Variants in OTUD7B observed in about 807,000 individuals in gnomAD.
The protein encoded by OTUD7B is OTU deubiquitinase 7B.
A neutral mutation model predicts 82.2 loss-of-function variants in OTUD7B; 34 were observed. That is an observed-to-expected ratio of 0.41 (90% CI 0.31 to 0.55). The LOEUF is 0.55. OTUD7B is among the 20% of genes least tolerant of loss of function. The pLI is 0.20. For missense variants in OTUD7B, 944 were observed against 1,062.1 expected (o/e 0.89, Z 1.55); for synonymous variants, 398 against 402.7 (o/e 0.99, Z 0.14).
chr1:150,057,476 G>A, the OTUD7B span, among the ~76,000 whole-genome samples: 1 of 152,166 alleles, frequency 6.6e-6, no homozygotes, highest in Non-Finnish European at 1.5e-5. Flanking sequence ...AAATTGGTAA[G>A]TTCTCCCATG....
the OTUD7B span, among the ~76,000 whole-genome samples, chr1:150,056,686 T>C: frequency 6.6e-6 from 1 of 152,128 alleles, no homozygotes; most frequent in South Asian, 2.1e-4. Flanking sequence ...CTATATTATA[T>C]TTTTCCTAAT....
In OTUD7B at chr1:149,959,776, T is replaced by A. The variant is rs782144287; in HGVS notation, c.753A>T (p.Glu251Asp). The A allele has an allele frequency of 1.7e-5, 27 of 1,613,526 alleles. No individual in the cohort carries two copies. In the Admixed American group the frequency reaches 4.5e-4, roughly 27 times the overall value. The change falls in exon 7 of 12, where the codon GAA (glutamate) becomes GAT (aspartate). Residue 251 changes from glutamate to aspartate, a missense_variant. By Grantham distance (45) the Glu-to-Asp change is conservative. Transcript: ENST00000581312. The part of the protein sequence containing the change: ...QNKESGLVYT[E>D]DEWQKEWNEL... ...CATTCCACTCCTTCTGCCATTCATC[T>A]TCTGTGTATACCAGCCCTGACTGTG...
At chr1:149,994,610 A>G (rs1553782947) in intron 1 of OTUD7B, among the ~76,000 whole-genome samples, 3 of 117,364 alleles carry the variant, frequency 2.6e-5, no homozygotes, top group Admixed American at 8.5e-5. Context: ...AAAAAAACCC[A>G]ATTTTTTGTT....
intron 5 of OTUD7B, among the ~76,000 whole-genome samples, chr1:149,965,361 G>A (rs1372672997): frequency 2.6e-5 from 4 of 152,104 alleles, no homozygotes; most frequent in Non-Finnish European, 5.9e-5. Flanking sequence ...GTGAGACTCC[G>A]TCTCAAAAAC....
intron 7 of OTUD7B, among the ~76,000 whole-genome samples, chr1:149,956,127 G>A (rs1418068746): frequency 1.3e-5 from 2 of 152,122 alleles, no homozygotes; most frequent in African/African-American, 4.8e-5. Context: ...TTTCTTCCTA[G>A]CATCGATGGT....
chr1:150,066,236 C>T, the OTUD7B span, among the ~76,000 whole-genome samples: 1 of 152,080 alleles, frequency 6.6e-6, no homozygotes, highest in Non-Finnish European at 1.5e-5. The surrounding 1 kb of genome is among the most constrained non-coding windows in gnomAD (Gnocchi z 4.6). Flanking sequence ...TTTTCATTAG[C>T]GTTGTTTCCA....
the OTUD7B span, among the ~76,000 whole-genome samples, chr1:150,059,048 C>CTTTTTTTTTTTTT: frequency 1.4e-5 from 2 of 140,996 alleles, no homozygotes; most frequent in African/African-American, 5.3e-5. Context: ...TTCTTACTTT[C>CTTTTTTTTTTTTT]TTTTCTTTTT....
rs782487665 is a variant in OTUD7B, at chr1:149,949,671, C to A, written c.1081G>T (p.Ala361Ser). 3.0e-5 allele frequency: 48 copies of A among 1,614,014 alleles called. No individual in the cohort carries two copies. In the Admixed American group the frequency reaches 8.0e-4, roughly 27 times the overall value. Residue 361 changes from alanine to serine, a missense_variant, in exon 9 of 12, where the codon GCA (alanine) becomes TCA (serine). Ala to Ser is a moderately conservative substitution (Grantham distance 99). Coordinates refer to ENST00000581312, the MANE Select transcript of OTUD7B (RefSeq NM_020205.4). ...VLAYDQAHFSALVSMEQKENT... is the reference protein window; with the variant it reads ...VLAYDQAHFSSLVSMEQKENT... ...TCCTTCTGCTCCATGGACACGAGTG[C>A]AGAAAAGTGGGCCTGATCATAGGCG...
chr1:150,061,978 A>T, the OTUD7B span, among the ~76,000 whole-genome samples: 1 of 152,138 alleles, frequency 6.6e-6, no homozygotes. Context: ...GCAGAGATCT[A>T]CCTGTCATGC....
At chr1:150,054,964 C>A in the OTUD7B span, 1 of 335,772 alleles carries the variant, frequency 3.0e-6, no homozygotes. Flanking sequence ...AGCTATTCCT[C>A]AGCTCCAGGG....
At chr1:150,043,693 A>G in the OTUD7B span, among the ~76,000 whole-genome samples, 8 of 152,140 alleles carry the variant, frequency 5.3e-5, no homozygotes, top group African/African-American at 1.9e-4. Flanking sequence ...AGATTCTCTA[A>G]TTTTAGGAAT....
chr1:149,948,006 T>G (rs1553772527), intron 10 of OTUD7B, among the ~76,000 whole-genome samples: 3 of 152,074 alleles, frequency 2.0e-5, no homozygotes, highest in African/African-American at 7.2e-5. Context: ...TTGGATGGAG[T>G]TTCACTCTTG....
chr1:150,020,566 C>A, the OTUD7B span, among the ~76,000 whole-genome samples: 1 of 151,894 alleles, frequency 6.6e-6, no homozygotes, highest in Non-Finnish European at 1.5e-5. Flanking sequence ...AATTAAATAT[C>A]TAGGTATATG....
chr1:150,052,814 A>C, the OTUD7B span, among the ~76,000 whole-genome samples: 4 of 2,444 alleles, frequency 1.6e-3, no homozygotes, highest in Non-Finnish European at 2.7e-3. Context: ...AACAAACGAA[A>C]ACAAAAAACA....
At chr1:150,021,973 T>C in the OTUD7B span, among the ~76,000 whole-genome samples, 1 of 152,098 alleles carries the variant, frequency 6.6e-6, no homozygotes, top group Non-Finnish European at 1.5e-5. Context: ...TGAAGAATAA[T>C]CTAAACTCTC....
upstream of OTUD7B, among the ~76,000 whole-genome samples, chr1:150,010,849 G>T (rs1053386421): frequency 6.6e-6 from 1 of 152,106 alleles, no homozygotes; most frequent in Non-Finnish European, 1.5e-5. Context: ...CTTTAGCGCC[G>T]CTCCCCAGGC....
the OTUD7B span, among the ~76,000 whole-genome samples, chr1:150,061,941 T>C: frequency 6.6e-6 from 1 of 152,320 alleles, no homozygotes; most frequent in African/African-American, 2.4e-5. Flanking sequence ...CCCTAAGATA[T>C]AAGCCCTGGG....
chr1:149,953,797 T>C (rs1353290862), intron 7 of OTUD7B, among the ~76,000 whole-genome samples: 3 of 152,338 alleles, frequency 2.0e-5, no homozygotes, highest in South Asian at 4.1e-4. Context: ...GGTATTTTAT[T>C]CTCTTTGAAG....
the OTUD7B span, among the ~76,000 whole-genome samples, chr1:150,039,336 A>C: frequency 6.2e-4 from 95 of 152,184 alleles, no homozygotes; most frequent in Middle Eastern, 3.4e-3. Context: ...CATAATCATA[A>C]GACTGAATAT....
Sources: gnomAD v4.1 joint callset for allele counts (sites outside exome capture counted in the v4.1 genomes callset) on GRCh38, gnomAD v4.1.1 for gene constraint, Gnocchi (gnomAD v3.1) non-coding constraint, MANE v1.5 for transcripts, NCBI Gene and HGNC (gene_info 2026-07-23, HGNC 2026-07-21) for gene names.